Variants in NOP9 observed in about 807,000 individuals in gnomAD.
The protein encoded by NOP9 is NOP9 nucleolar protein.
Under a neutral mutation model 63.0 loss-of-function variants are expected in NOP9, and 50 were observed. The observed-to-expected ratio is 0.79, with a 90% CI of 0.63 to 1.00. The LOEUF is 1.00. NOP9 is among the 50% of genes least tolerant of loss of function. The pLI, the probability that NOP9 is intolerant of heterozygous loss-of-function variation, is 0.00. For missense variants in NOP9, 758 were observed against 803.0 expected (o/e 0.94, Z 0.68); for synonymous variants, 343 against 332.8 (o/e 1.03, Z -0.33).
At chr14:24,300,269 G>T (rs913476536) in intron 1 of NOP9, 68 bp downstream of exon 1, 6 of 1,590,910 alleles carry the variant, frequency 3.8e-6, no homozygotes, top group Non-Finnish European at 5.1e-6. Context: ...ACTTTCTAGG[G>T]TCGGCAGGGC....
In NOP9 at chr14:24,299,875, A is replaced by T. The variant is rs1217505642; in HGVS notation, c.-80A>T. 1 of 1,471,422 alleles carries T rather than the reference A, an allele frequency of 6.8e-7. No homozygotes were observed. The highest frequency in any genetic ancestry group is 1.4e-5 in the African/African-American group (1 of 70,926). The allele number at this position is 1,471,422 out of a possible 1,614,324, so 91.1% of individuals were successfully genotyped here. ...GCCCGCGTTTCTAAACTTTGTCTGG[A>T]TAAGGCGCACGCTTGGCGACGTCGA... On this transcript the variant is annotated 5_prime_UTR_variant, in exon 1 of 10. Transcript: ENST00000267425.
In NOP9 at chr14:24,307,732, G is replaced by T; in HGVS notation, c.*2637G>T. ...GGGAGCAGGAGAGGAAGGGGTACTG[G>T]TTAGTCTCCTAGGGGCTGAGTGGAG... is the stretch of plus-strand genomic sequence containing the variant. On this transcript the variant is annotated 3_prime_UTR_variant, in exon 10 of 10. Coordinates refer to ENST00000267425, the MANE Select transcript of NOP9 (RefSeq NM_174913.3). The T allele has an allele frequency of 7.0e-7, 1 of 1,422,574 alleles. No homozygotes were observed. The highest frequency in any genetic ancestry group is 9.7e-7 in the Non-Finnish European group (1 of 1,027,958). 88.1% of individuals were successfully genotyped at this position (1,422,574 alleles called of 1,614,324 possible). A position where few individuals can be genotyped will look rare whatever the true frequency, so the allele number is the denominator to read the frequency against.
chr14:24,292,424 C>T, the NOP9 span: 67 of 1,556,600 alleles, frequency 4.3e-5, no homozygotes, highest in Non-Finnish European at 5.7e-5. Context: ...TCCACCCACC[C>T]TGTCCTTCCC....
the NOP9 span, among the ~76,000 whole-genome samples, chr14:24,288,111 T>A: frequency 6.6e-6 from 1 of 152,188 alleles, no homozygotes; most frequent in African/African-American, 2.4e-5. Context: ...TTCCTTCTGG[T>A]TTCTTGGGAT....
rs141025260 is a variant in NOP9 at position 24,301,130 on chromosome 14, A to C, written c.697+273A>C. Among the ~76,000 whole-genome samples, 3 of 152,274 alleles carry C rather than the reference A, an allele frequency of 2.0e-5. No individual in the cohort carries two copies. In the East Asian group the frequency reaches 5.8e-4, roughly 29 times the overall value. ...CATGACTTAATATACAAATGGACTT[A>C]AGCAAAAGTAACATACACACTGGAC... is the stretch of plus-strand genomic sequence containing the variant. On this transcript the variant is annotated intron_variant, in intron 2 of 9. Coordinates refer to ENST00000267425, the MANE Select transcript of NOP9 (RefSeq NM_174913.3).
upstream of NOP9, chr14:24,299,048 C>T (rs756482236): frequency 1.2e-6 from 2 of 1,614,108 alleles, no homozygotes; most frequent in East Asian, 2.2e-5. Context: ...AATGCCACGG[C>T]CAATACCCCT....
Position 24,305,974 on chromosome 14 carries a change from T to TG in NOP9, c.*880dup, listed in dbSNP as rs1264263729. ...GAGTACTTTCTTTGGGCCAAGTCCT[T>TG]GAAAGTCACAACTCATAGAGTAGAG... On this transcript the variant is annotated 3_prime_UTR_variant, in exon 10 of 10. Transcript: ENST00000267425. 6.2e-6 allele frequency: 10 copies of TG among 1,614,080 alleles called. No individual in the cohort carries two copies. Among genetic ancestry groups the TG allele is most frequent in the Non-Finnish European group, 8.5e-6 (10 of 1,179,964 alleles).
At chr14:24,296,011 C>A (rs2041241991), upstream of NOP9, among the ~76,000 whole-genome samples, 1 of 152,202 alleles carries the variant, frequency 6.6e-6, no homozygotes, top group Non-Finnish European at 1.5e-5. Context: ...CACTCCTGGG[C>A]TAAATGACCC....
chr14:24,273,710 C>T, the NOP9 span, among the ~76,000 whole-genome samples: 1 of 152,194 alleles, frequency 6.6e-6, no homozygotes, highest in African/African-American at 2.4e-5. Context: ...GAGGGATGTG[C>T]ACACACACAG....
At chr14:24,280,314 G>A in the NOP9 span, among the ~76,000 whole-genome samples, 1 of 152,210 alleles carries the variant, frequency 6.6e-6, no homozygotes, top group Admixed American at 6.5e-5. Context: ...GTCTGAGAAT[G>A]GGGGTGGGCT....
At position 24,301,990 on chromosome 14, in the gene NOP9, C is replaced by G; in HGVS notation, c.834C>G (p.Ser278Arg). ...IAVFITDKIS[S>R]FCLQVALQVL... Reference sequence around the variant, plus strand: ...TGTTTATCACTGATAAGATCTCCAGCTTCTGTCTTCAAGTGGCTTTACAGG... The same window carrying G: ...TGTTTATCACTGATAAGATCTCCAGGTTCTGTCTTCAAGTGGCTTTACAGG... The change falls in exon 4 of 10, where the codon AGC (serine) becomes AGG (arginine). Residue 278 changes from serine (S) to arginine (R), a missense_variant. Transcript: ENST00000267425. 1 of 1,613,958 alleles carries G rather than the reference C, an allele frequency of 6.2e-7. No homozygotes were observed. Among genetic ancestry groups the G allele is most frequent in the Non-Finnish European group, 8.5e-7 (1 of 1,179,952 alleles).
chr14:24,276,247 C>T, the NOP9 span, among the ~76,000 whole-genome samples: 6 of 151,332 alleles, frequency 4.0e-5, no homozygotes, highest in Non-Finnish European at 7.4e-5. Flanking sequence ...CGTGGTGGTA[C>T]GTGCCTGTAG....
upstream of NOP9, among the ~76,000 whole-genome samples, chr14:24,297,434 GGAA>G (rs772641375): frequency 6.6e-5 from 10 of 152,168 alleles, no homozygotes; most frequent in South Asian, 2.1e-4. Flanking sequence ...CAACTTCAGA[GGAA>G]GAAGAGTCCT....
the NOP9 span, among the ~76,000 whole-genome samples, chr14:24,286,876 G>A: frequency 6.6e-6 from 1 of 151,266 alleles, no homozygotes; most frequent in Non-Finnish European, 1.5e-5. Context: ...ACAGGTGTGT[G>A]TGAGCCACCG....
the NOP9 span, among the ~76,000 whole-genome samples, chr14:24,286,980 C>T: frequency 6.6e-6 from 1 of 152,084 alleles, no homozygotes; most frequent in South Asian, 2.1e-4. Flanking sequence ...ACCTCTGCCT[C>T]CCGGGTTCAA....
At chr14:24,280,943 G>A in the NOP9 span, among the ~76,000 whole-genome samples, 1 of 152,188 alleles carries the variant, frequency 6.6e-6, no homozygotes, top group Non-Finnish European at 1.5e-5. Context: ...AGGCCTCGCA[G>A]CACCGGGAGG....
At chr14:24,289,365 G>A in the NOP9 span, among the ~76,000 whole-genome samples, 4 of 152,240 alleles carry the variant, frequency 2.6e-5, no homozygotes, top group South Asian at 8.3e-4. Context: ...GGGCTCAAGC[G>A]ATCCACCTTC....
rs376742385 is a variant in NOP9 at position 24,300,384 on chromosome 14, A to T, written c.248-24A>T. 2.3e-5 allele frequency: 36 copies of T among 1,599,022 alleles called. No individual in the cohort carries two copies. In the African/African-American group the frequency reaches 4.6e-4, roughly 20 times the overall value. On this transcript the variant is annotated intron_variant, in intron 1 of 9. Coordinates refer to ENST00000267425, the MANE Select transcript of NOP9 (RefSeq NM_174913.3). ...TGTATTCTCTACTAAGTCTCTTCAA[A>T]GTGTGTCTTTCTTCCCTTTTCAGAT... is the stretch of plus-strand genomic sequence containing the variant.
the NOP9 span, among the ~76,000 whole-genome samples, chr14:24,276,946 A>G: frequency 6.6e-6 from 1 of 152,236 alleles, no homozygotes; most frequent in East Asian, 1.9e-4. Context: ...CGGGAGACAC[A>G]GAACGGAGGT....
Sources: allele counts gnomAD v4.1 joint callset (sites outside exome capture counted in the v4.1 genomes callset), GRCh38; gene constraint gnomAD v4.1.1; transcripts MANE v1.5; gene names NCBI Gene and HGNC (gene_info 2026-07-23, HGNC 2026-07-21).